Variants in SMCO4 observed in about 807,000 individuals in gnomAD.
SMCO4 encodes single-pass membrane and coiled-coil domain-containing protein 4.
Under a neutral mutation model 3.6 loss-of-function variants are expected in SMCO4, and 4 were observed. The observed-to-expected ratio is 1.11, with a 90% CI of 0.54 to 2.53. The LOEUF is 2.53. Among genes scored for constraint, SMCO4 ranks in the 30% most tolerant of loss-of-function variants. SMCO4 has a pLI of 0.02. For missense variants in SMCO4, 70 were observed against 80.8 expected, an observed-to-expected ratio of 0.87 and a Z score of 0.51; for synonymous variants, 36 against 35.3, an observed-to-expected ratio of 1.02 and a Z score of -0.07.
At chr11:93,486,257 T>C (rs1948649442) in intron 2 of SMCO4, among the ~76,000 whole-genome samples, 1 of 152,170 alleles carries the variant, frequency 6.6e-6, no homozygotes, top group Non-Finnish European at 1.5e-5. Context: ...GCAGCTGGGA[T>C]TCCAATCAAG....
At chr11:93,536,185 T>C (rs1036826474) in intron 1 of SMCO4, among the ~76,000 whole-genome samples, 26 of 152,076 alleles carry the variant, frequency 1.7e-4, no homozygotes, top group African/African-American at 6.0e-4. Flanking sequence ...TACTGAACAA[T>C]GATCCATTTC....
rs891180224 is a variant in SMCO4, at chr11:93,478,989, G to A, written c.*21C>T. The A allele has an allele frequency of 1.3e-6, 2 of 1,588,110 alleles. No homozygotes were observed. Among genetic ancestry groups the A allele is most frequent in the African/African-American group, 2.7e-5 (2 of 74,560 alleles). ...CGCGCCTCCTCTCCCTGCCGATGGG[G>A]TCCGCAGCCGGCTGCGGGGCTCACT... is the stretch of plus-strand genomic sequence containing the variant. On this transcript the variant is annotated 3_prime_UTR_variant, in exon 3 of 3. Coordinates refer to ENST00000298966, the MANE Select transcript of SMCO4 (RefSeq NM_020179.3).
intron 1 of SMCO4, among the ~76,000 whole-genome samples, chr11:93,537,283 C>G (rs1949234771): frequency 6.6e-6 from 1 of 152,236 alleles, no homozygotes; most frequent in Admixed American, 6.5e-5. Flanking sequence ...ACAGCCAAGA[C>G]TGGCAGCCCT....
intron 1 of SMCO4, among the ~76,000 whole-genome samples, chr11:93,503,786 G>A (rs1948872381): frequency 6.6e-6 from 1 of 152,158 alleles, no homozygotes; most frequent in African/African-American, 2.4e-5. Context: ...GCACGGTCCT[G>A]CCCATACCTT....
intron 2 of SMCO4, among the ~76,000 whole-genome samples, chr11:93,498,561 C>A (rs1324542567): frequency 6.6e-6 from 1 of 152,224 alleles, no homozygotes; most frequent in South Asian, 2.1e-4. Flanking sequence ...CACCTCCCTC[C>A]CCACTTCTGG....
intron 2 of SMCO4, among the ~76,000 whole-genome samples, chr11:93,490,346 ATAAACGTGAAG>A (rs1948700138): frequency 1.3e-5 from 2 of 152,252 alleles, no homozygotes; most frequent in African/African-American, 2.4e-5. Flanking sequence ...TGATAACTAA[ATAAACGTGAAG>A]TAACTTGAAA....
At chr11:93,510,869 T>C (rs930717847) in intron 1 of SMCO4, among the ~76,000 whole-genome samples, 4 of 152,062 alleles carry the variant, frequency 2.6e-5, no homozygotes, top group Non-Finnish European at 1.5e-5. Flanking sequence ...GATGCTGAGG[T>C]GGGCGGATCA....
chr11:93,507,472 T>C (rs1279520680), intron 1 of SMCO4, among the ~76,000 whole-genome samples: 1 of 152,186 alleles, frequency 6.6e-6, no homozygotes, highest in Non-Finnish European at 1.5e-5. Flanking sequence ...TTAAAGACTT[T>C]TCAGATGAGA....
rs543922191 is a variant in SMCO4, at chr11:93,509,085, T to A, written c.-153-9737A>T. The stretch of plus-strand genomic sequence containing the variant: ...TAGGCAATTTACTTCAGCCCAGGAG[T>A]TTGAGACCAGCCTGGGCAACATGGT... On this transcript the variant is annotated intron_variant, in intron 1 of 2. Transcript: ENST00000298966. 4.0e-5 allele frequency among the ~76,000 whole-genome samples: 6 copies of A among 151,612 alleles called. No individual in the cohort carries two copies. In the East Asian group the frequency reaches 1.2e-3, roughly 29 times the overall value.
intron 1 of SMCO4, among the ~76,000 whole-genome samples, chr11:93,511,932 A>G (rs903220222): frequency 3.9e-5 from 6 of 152,186 alleles, no homozygotes; most frequent in Non-Finnish European, 8.8e-5. Context: ...TCACTCACTG[A>G]TCCACCAAAA....
At chr11:93,511,727 A>C (rs1468132073) in intron 1 of SMCO4, among the ~76,000 whole-genome samples, 1 of 152,220 alleles carries the variant, frequency 6.6e-6, no homozygotes, top group Non-Finnish European at 1.5e-5. Context: ...TGGAATAAGC[A>C]GGTTAGAAAA....
intron 1 of SMCO4, among the ~76,000 whole-genome samples, chr11:93,505,714 C>T (rs1373827994): frequency 6.6e-6 from 1 of 152,122 alleles, no homozygotes; most frequent in Admixed American, 6.5e-5. Context: ...TGTATTTGAG[C>T]ATTCCCAAAT....
At position 93,532,797 on chromosome 11, in the gene SMCO4, T is replaced by C. The variant is rs532156532; in HGVS notation, c.-154+10479A>G. On this transcript the variant is annotated intron_variant, in intron 1 of 2. Coordinates refer to ENST00000298966, the MANE Select transcript of SMCO4 (RefSeq NM_020179.3). ...GAGCCCCCAGATCCATGGGAAAACA[T>C]ACTCCTGCTGTTTAAGCCACTCAGT... Among the ~76,000 whole-genome samples, 116 of 152,168 alleles carry C rather than the reference T, an allele frequency of 7.6e-4. 1 individual carries two copies. Among genetic ancestry groups the C allele is most frequent in the Non-Finnish European group, 9.0e-4 (61 of 68,024 alleles).
chr11:93,516,206 T>C (rs1949006463), intron 1 of SMCO4, among the ~76,000 whole-genome samples: 1 of 152,300 alleles, frequency 6.6e-6, no homozygotes, highest in South Asian at 2.1e-4. Flanking sequence ...CCAAGAACCA[T>C]GCTTGGCAGG....
chr11:93,491,130 A>G (rs1948709887), intron 2 of SMCO4, among the ~76,000 whole-genome samples: 1 of 152,228 alleles, frequency 6.6e-6, no homozygotes, highest in African/African-American at 2.4e-5. Context: ...TTAAAACAGC[A>G]GGTACTAAAA....
At chr11:93,545,628 A>G (rs907455836), upstream of SMCO4, among the ~76,000 whole-genome samples, 1 of 151,934 alleles carries the variant, frequency 6.6e-6, no homozygotes, top group South Asian at 2.1e-4. Context: ...GAGAGAAAAG[A>G]AAAAGAAAGT....
chr11:93,507,379 G>C (rs1036094312), intron 1 of SMCO4, among the ~76,000 whole-genome samples: 1 of 152,170 alleles, frequency 6.6e-6, no homozygotes, highest in East Asian at 1.9e-4. Flanking sequence ...CAGCCTGGGG[G>C]ATAGAGACTC....
chr11:93,535,463 G>A (rs1040768951), intron 1 of SMCO4: 20 of 1,378,132 alleles, frequency 1.5e-5, no homozygotes, highest in South Asian at 8.3e-5. Context: ...AGCCAGAGTC[G>A]CCGCGATGGT....
intron 1 of SMCO4, among the ~76,000 whole-genome samples, chr11:93,516,170 T>G (rs1412100260): frequency 6.6e-6 from 1 of 152,158 alleles, no homozygotes; most frequent in Non-Finnish European, 1.5e-5. Context: ...TAATTAAAAT[T>G]GTACCAAGAC....
Sources: allele counts gnomAD v4.1 joint callset (sites outside exome capture counted in the v4.1 genomes callset), GRCh38; gene constraint gnomAD v4.1.1; transcripts MANE v1.5; gene names NCBI Gene and HGNC (gene_info 2026-07-23, HGNC 2026-07-21).